The following DIAPH3 variants were observed in gnomAD, a reference collection of about 807,000 sequenced individuals.
The protein encoded by DIAPH3 is diaphanous related formin 3, also known as protein diaphanous homolog 3.
A neutral mutation model predicts 144.3 loss-of-function variants in DIAPH3; 117 were observed. The observed-to-expected ratio is 0.81, with a 90% CI of 0.70 to 0.95. The LOEUF is 0.95. Among genes scored for constraint, DIAPH3 ranks in the 40% least tolerant of loss-of-function variants. DIAPH3 has a pLI of 0.00. For missense variants in DIAPH3, 1,421 were observed against 1,412.7 expected, an observed-to-expected ratio of 1.01 and a Z score of -0.09; for synonymous variants, 519 against 488.9, an observed-to-expected ratio of 1.06 and a Z score of -0.81.
intron 27 of DIAPH3, among the ~76,000 whole-genome samples, chr13:59,674,049 C>T (rs1411853598): frequency 6.6e-6 from 1 of 152,136 alleles, no homozygotes; most frequent in Non-Finnish European, 1.5e-5. Flanking sequence ...AACCTAGGGA[C>T]CTCAAATTTG....
At chr13:60,062,523 A>G (rs2056812953) in intron 4 of DIAPH3, among the ~76,000 whole-genome samples, 1 of 152,108 alleles carries the variant, frequency 6.6e-6, no homozygotes, top group Non-Finnish European at 1.5e-5. Context: ...TCTGACATCT[A>G]CCAAGCACAA....
Position 59,666,521 on chromosome 13 carries a change from T to TTA in DIAPH3, c.*62_*63insTA. 6.3e-7 allele frequency: 1 copy of TTA among 1,590,090 alleles called. No individual in the cohort carries two copies. The highest frequency in any genetic ancestry group is 1.2e-5 in the South Asian group (1 of 86,264). ...CTTACATAAAAGCAATTTTTTCAAG[T>TTA]GTTATAGTTTAGAGCATGGCTTTAT... On this transcript the variant is annotated 3_prime_UTR_variant, in exon 28 of 28. Transcript: ENST00000400324.
intron 27 of DIAPH3, among the ~76,000 whole-genome samples, chr13:59,733,995 G>A (rs997631553): frequency 6.6e-6 from 1 of 152,162 alleles, no homozygotes; most frequent in Admixed American, 6.6e-5. Context: ...TGCCCAATTG[G>A]CTAATACATA....
intron 22 of DIAPH3, among the ~76,000 whole-genome samples, chr13:59,858,607 T>G (rs1328074322): frequency 6.6e-6 from 1 of 152,248 alleles, no homozygotes; most frequent in East Asian, 1.9e-4. Flanking sequence ...CAAAAAAAAG[T>G]AAGTTTTGTC....
intron 2 of DIAPH3, among the ~76,000 whole-genome samples, chr13:60,131,454 A>AC (rs1566806960): frequency 2.6e-5 from 4 of 151,002 alleles, no homozygotes; most frequent in African/African-American, 4.9e-5. Flanking sequence ...AAAAAAAAAA[A>AC]AAAAAACAAA....
At chr13:60,120,852 G>A (rs1176612677) in intron 2 of DIAPH3, among the ~76,000 whole-genome samples, 1 of 152,258 alleles carries the variant, frequency 6.6e-6, no homozygotes, top group East Asian at 1.9e-4. Flanking sequence ...GAACCATACT[G>A]TAAGCTGTTT....
intron 14 of DIAPH3, among the ~76,000 whole-genome samples, chr13:59,978,104 T>C (rs2050777368): frequency 6.6e-6 from 1 of 151,724 alleles, no homozygotes; most frequent in East Asian, 1.9e-4. Context: ...CACTGTAATA[T>C]AAAATTGTCA....
intron 4 of DIAPH3, among the ~76,000 whole-genome samples, chr13:60,067,814 T>C (rs557711825): frequency 1.3e-5 from 2 of 152,294 alleles, no homozygotes; most frequent in South Asian, 4.1e-4. Flanking sequence ...TTGCCTAGCT[T>C]TTCTATCTCC....
At chr13:59,883,141 G>A (rs1054266821) in intron 20 of DIAPH3, among the ~76,000 whole-genome samples, 7 of 152,182 alleles carry the variant, frequency 4.6e-5, no homozygotes, top group Admixed American at 4.6e-4. Context: ...AGGGGCACAG[G>A]AGCCATAGCA....
At chr13:60,127,436 C>T (rs2059018555) in intron 2 of DIAPH3, among the ~76,000 whole-genome samples, 1 of 151,522 alleles carries the variant, frequency 6.6e-6, no homozygotes, top group Admixed American at 6.6e-5. Context: ...TTGTGGGAAA[C>T]AATTTGTCAG....
chr13:59,711,975 G>C (rs1249362733), intron 27 of DIAPH3, among the ~76,000 whole-genome samples: 1 of 152,138 alleles, frequency 6.6e-6, no homozygotes, highest in Non-Finnish European at 1.5e-5. Context: ...TTCTATACTA[G>C]ACATTATCCA....
At chr13:60,074,712 A>G (rs1259867566) in intron 4 of DIAPH3, among the ~76,000 whole-genome samples, 1 of 152,158 alleles carries the variant, frequency 6.6e-6, no homozygotes, top group Non-Finnish European at 1.5e-5. Context: ...ACACCCACTC[A>G]TTCACAGTAT....
At chr13:60,088,080 C>T (rs898093849) in intron 4 of DIAPH3, among the ~76,000 whole-genome samples, 3 of 151,954 alleles carry the variant, frequency 2.0e-5, no homozygotes, top group Non-Finnish European at 4.4e-5. Context: ...GGGTGGGGCA[C>T]GGGGGAGTGC....
intron 21 of DIAPH3, among the ~76,000 whole-genome samples, chr13:59,875,546 G>A (rs996771918): frequency 2.0e-5 from 3 of 151,812 alleles, no homozygotes; most frequent in South Asian, 2.1e-4. Context: ...AAATCCTGAC[G>A]AAACTGACTC....
chr13:60,015,809 G>T, intron 7 of DIAPH3, 104 bp downstream of exon 7: 1 of 974,750 alleles, frequency 1.0e-6, no homozygotes, highest in Non-Finnish European at 1.6e-6. Context: ...TTTCCATCAT[G>T]TACTAAAAAA....
chr13:60,005,480 C>CTT (rs1394862919), intron 9 of DIAPH3, among the ~76,000 whole-genome samples: 1 of 151,898 alleles, frequency 6.6e-6, no homozygotes, highest in Non-Finnish European at 1.5e-5. Flanking sequence ...TTGAATCACA[C>CTT]TTTTTTTCTT....
At chr13:59,974,641 A>G (rs1445274858) in intron 14 of DIAPH3, among the ~76,000 whole-genome samples, 185 bp from the exon 15 acceptor site, 48 of 151,920 alleles carry the variant, frequency 3.2e-4, no homozygotes, top group Admixed American at 3.2e-3. Flanking sequence ...CCAGGTCCCA[A>G]CCAAAATCGT....
intron 17 of DIAPH3, among the ~76,000 whole-genome samples, chr13:59,966,427 T>A (rs1437930696): frequency 2.0e-5 from 3 of 151,840 alleles, no homozygotes; most frequent in African/African-American, 7.3e-5. Flanking sequence ...GGAGAAAAGA[T>A]CTCAGCTGAG....
chr13:60,078,693 ACATT>A (rs1344569924), intron 4 of DIAPH3, among the ~76,000 whole-genome samples: 2 of 151,978 alleles, frequency 1.3e-5, no homozygotes, highest in African/African-American at 4.8e-5. Flanking sequence ...AAATATTAAT[ACATT>A]ATTTTATTTA....
Sources: gnomAD v4.1 joint callset for allele counts (sites outside exome capture counted in the v4.1 genomes callset) on GRCh38, gnomAD v4.1.1 for gene constraint, MANE v1.5 for transcripts, NCBI Gene and HGNC (gene_info 2026-07-23, HGNC 2026-07-21) for gene names.